The following SHC3 variants were observed in gnomAD, a reference collection of about 807,000 sequenced individuals.
SHC3 encodes SHC adaptor protein 3, also known as SHC-transforming protein 3.
Under a neutral mutation model 60.4 loss-of-function variants are expected in SHC3, and 15 were observed. The observed-to-expected ratio is 0.25, with a 90% confidence interval of 0.17 to 0.38. The LOEUF (loss-of-function observed/expected upper bound fraction) is 0.38, where lower values mean the gene tolerates loss of function less well. Among genes scored for constraint, SHC3 ranks in the 10% least tolerant of loss-of-function variants. SHC3 has a pLI of 1.00. For synonymous variants in SHC3, 294 were observed against 325.9 expected (o/e 0.90, Z 1.05); for missense variants, 677 against 786.1 (o/e 0.86, Z 1.66).
At chr9:89,150,868 A>G (rs547697086) in intron 1 of SHC3, among the ~76,000 whole-genome samples, 19 of 152,114 alleles carry the variant, frequency 1.2e-4, no homozygotes, top group Non-Finnish European at 2.2e-4. Context: ...TCCACCAATA[A>G]TTGTTATTGT....
intron 1 of SHC3, among the ~76,000 whole-genome samples, chr9:89,177,135 G>A (rs1826952303): frequency 6.6e-6 from 1 of 152,164 alleles, no homozygotes; most frequent in South Asian, 2.1e-4. Context: ...CTGCCCAACC[G>A]GCAGAAGGAA....
chr9:89,128,817 T>G (rs1826200926), intron 1 of SHC3, among the ~76,000 whole-genome samples: 1 of 152,124 alleles, frequency 6.6e-6, no homozygotes, highest in Non-Finnish European at 1.5e-5. Flanking sequence ...GCAGAAAAGC[T>G]GAAAATTCTA....
chr9:89,105,040 C>G (rs1282174092), intron 2 of SHC3, among the ~76,000 whole-genome samples: 1 of 152,156 alleles, frequency 6.6e-6, no homozygotes, highest in African/African-American at 2.4e-5. Context: ...CTTACATGCA[C>G]TTGCCCACTG....
chr9:89,054,046 G>A lies in SHC3; in HGVS notation c.836-1883C>T, dbSNP rs187448528. On this transcript the variant is annotated intron_variant, in intron 6 of 11. Coordinates refer to ENST00000375835, the MANE Select transcript of SHC3 (RefSeq NM_016848.6). Reference sequence around the variant, plus strand: ...AGAAAGGGTAGCCTGTTTTTTTTAAGGAGAAAATAGGTATCCTAGCCTTTA... The same window carrying A: ...AGAAAGGGTAGCCTGTTTTTTTTAAAGAGAAAATAGGTATCCTAGCCTTTA... Among the ~76,000 whole-genome samples, 3 of 152,134 alleles carry A rather than the reference G, an allele frequency of 2.0e-5. No homozygotes were observed. In the East Asian group the frequency reaches 5.8e-4, roughly 29 times the overall value.
At chr9:89,046,724 T>C in intron 8 of SHC3, 120 bp downstream of exon 8, 1 of 1,199,232 alleles carries the variant, frequency 8.3e-7, no homozygotes, top group Non-Finnish European at 1.1e-6. Flanking sequence ...AGAAAGCTCA[T>C]GATTTACTGT....
intron 11 of SHC3, among the ~76,000 whole-genome samples, chr9:89,016,390 AT>A: frequency 6.6e-6 from 1 of 152,294 alleles, no homozygotes; most frequent in Middle Eastern, 3.4e-3. Context: ...GAACATCTGT[AT>A]TATGGATGGC....
chr9:89,073,892 C>T (rs576671163), intron 4 of SHC3, among the ~76,000 whole-genome samples: 9 of 152,286 alleles, frequency 5.9e-5, no homozygotes, highest in African/African-American at 1.9e-4. Flanking sequence ...TCATGAACAG[C>T]GCAGTCTTGG....
chr9:89,134,594 A>C (rs971451061), intron 1 of SHC3, among the ~76,000 whole-genome samples: 1 of 152,058 alleles, frequency 6.6e-6, no homozygotes, highest in East Asian at 1.9e-4. Flanking sequence ...GATGTAACCA[A>C]AATTTCCTTG....
At chr9:89,038,650 G>A (rs185270108) in intron 10 of SHC3, among the ~76,000 whole-genome samples, 4 of 152,190 alleles carry the variant, frequency 2.6e-5, no homozygotes, top group African/African-American at 9.7e-5. Context: ...ACTTTCTCTG[G>A]AACTTCAGCC....
At chr9:89,156,054 T>C (rs967579884) in intron 1 of SHC3, among the ~76,000 whole-genome samples, 4 of 152,152 alleles carry the variant, frequency 2.6e-5, no homozygotes, top group Non-Finnish European at 5.9e-5. Flanking sequence ...CCCTCCCCCA[T>C]TGAATGGGGC....
intron 1 of SHC3, among the ~76,000 whole-genome samples, chr9:89,158,985 G>A (rs1826666497): frequency 6.6e-6 from 1 of 152,192 alleles, no homozygotes; most frequent in Non-Finnish European, 1.5e-5. Flanking sequence ...GAAACTCATA[G>A]TAGTCAAGTG....
intron 1 of SHC3, among the ~76,000 whole-genome samples, chr9:89,112,915 T>A (rs1412287031): frequency 6.6e-6 from 1 of 152,208 alleles, no homozygotes; most frequent in African/African-American, 2.4e-5. Flanking sequence ...GTATAACTTA[T>A]ATACTGTGAA....
chr9:89,039,128 G>A lies in SHC3; in HGVS notation c.1361-840C>T, dbSNP rs190696547. ...GTGCTATGCAAGTGGAAGGTAGTGC[G>A]ATGGTTATTTCAGACTACGCTGTCT... On this transcript the variant is annotated intron_variant, in intron 10 of 11. Coordinates refer to ENST00000375835, the MANE Select transcript of SHC3 (RefSeq NM_016848.6). Among the ~76,000 whole-genome samples, 362 of 152,358 alleles carry A rather than the reference G, an allele frequency of 2.4e-3. 2 individuals are homozygous for A. The highest frequency in any genetic ancestry group is 8.2e-3 in the African/African-American group (340 of 41,584).
At chr9:89,175,601 G>T (rs1826931045) in intron 1 of SHC3, among the ~76,000 whole-genome samples, 1 of 152,096 alleles carries the variant, frequency 6.6e-6, no homozygotes, top group African/African-American at 2.4e-5. Flanking sequence ...CTATAATACA[G>T]TATATAAATT....
chr9:89,014,905 AC>A (rs1210828183), intron 11 of SHC3, among the ~76,000 whole-genome samples: 3 of 152,072 alleles, frequency 2.0e-5, no homozygotes, highest in Admixed American at 2.0e-4. Context: ...ACCAATTAGC[AC>A]CTGAAGGAAC....
intron 2 of SHC3, among the ~76,000 whole-genome samples, chr9:89,111,385 G>A (rs1261311918): frequency 2.0e-5 from 3 of 152,090 alleles, no homozygotes; most frequent in Non-Finnish European, 4.4e-5. Flanking sequence ...CATGGGTAAG[G>A]TGAATAAATG....
chr9:89,112,667 G>C, intron 1 of SHC3, 41 bp from the exon 2 acceptor site: 1 of 1,541,112 alleles, frequency 6.5e-7, no homozygotes, highest in Non-Finnish European at 8.7e-7. Context: ...CCTGAGATTT[G>C]AGATAAAGAG....
intron 1 of SHC3, among the ~76,000 whole-genome samples, chr9:89,142,912 C>T (rs1489480555): frequency 6.6e-6 from 1 of 152,016 alleles, no homozygotes; most frequent in Non-Finnish European, 1.5e-5. Context: ...CACCACTTAC[C>T]CCAAATTAGC....
At chr9:89,035,857 G>GA (rs1564089001) in intron 11 of SHC3, among the ~76,000 whole-genome samples, 2,166 of 109,806 alleles carry the variant, frequency 0.02, 34 homozygotes, top group Middle Eastern at 0.034. Flanking sequence ...ATAGATGTGT[G>GA]TGTGTGTGTG....
Sources: gnomAD v4.1 joint callset for allele counts (sites outside exome capture counted in the v4.1 genomes callset) on GRCh38, gnomAD v4.1.1 for gene constraint, MANE v1.5 for transcripts, NCBI Gene and HGNC (gene_info 2026-07-23, HGNC 2026-07-21) for gene names.